The following TENM2 variants were observed in gnomAD, a reference collection of about 807,000 sequenced individuals.
TENM2 encodes teneurin-2.
Under a neutral mutation model 245.2 loss-of-function variants are expected in TENM2, and 52 were observed. That is an observed-to-expected ratio of 0.21 (90% CI 0.17 to 0.27). TENM2 has a LOEUF of 0.27. Among genes scored for constraint, TENM2 ranks in the 10% least tolerant of loss-of-function variants. The pLI is 1.00. For synonymous variants in TENM2, 1,363 were observed against 1,438.9 expected (o/e 0.95, Z 1.19); for missense variants, 3,046 against 3,666.8 (o/e 0.83, Z 4.37).
chr5:167,393,520 G>C (rs1007400717), intron 2 of TENM2, among the ~76,000 whole-genome samples: 12 of 152,170 alleles, frequency 7.9e-5, no homozygotes, highest in Non-Finnish European at 1.3e-4. Flanking sequence ...CACTCCTGCT[G>C]TATTTAAGGA....
the TENM2 span, among the ~76,000 whole-genome samples, chr5:167,122,633 C>T: frequency 6.6e-6 from 1 of 152,180 alleles, no homozygotes; most frequent in African/African-American, 2.4e-5. Context: ...TAATACCTAA[C>T]TCAAATGAAT....
chr5:167,820,919 G>A (rs1190521209), intron 2 of TENM2: 2 of 152,158 alleles, frequency 1.3e-5, no homozygotes, highest in Non-Finnish European at 2.9e-5. Flanking sequence ...GTGTCTTCAC[G>A]TGGGATTTTC....
the TENM2 span, among the ~76,000 whole-genome samples, chr5:167,182,623 T>G: frequency 6.6e-6 from 1 of 152,182 alleles, no homozygotes; most frequent in African/African-American, 2.4e-5. Flanking sequence ...TCCATTTGCC[T>G]TTTTGACTCT....
intron 2 of TENM2, among the ~76,000 whole-genome samples, chr5:167,668,146 G>A (rs1421403403): frequency 6.6e-6 from 1 of 152,090 alleles, no homozygotes; most frequent in African/African-American, 2.4e-5. Flanking sequence ...CTCTAAGTGA[G>A]CTGAATGTGT....
chr5:166,982,796 G>T, the TENM2 span, among the ~76,000 whole-genome samples: 5 of 151,784 alleles, frequency 3.3e-5, no homozygotes, highest in Middle Eastern at 6.8e-3. Flanking sequence ...TTTTTTGGGG[G>T]GGGGAGGAGA....
rs537454877 is a variant in TENM2, at chr5:167,512,938, A to G, written c.502+137465A>G. On this transcript the variant is annotated intron_variant, in intron 2 of 28. Transcript: ENST00000518659. The stretch of plus-strand genomic sequence containing the variant: ...AGTACTTCTAGTTGTCAATGCCCTT[A>G]AATTATAATTGATTAGTACACGAAT... 2.1e-4 allele frequency among the ~76,000 whole-genome samples: 32 copies of G among 152,304 alleles called. No homozygotes were observed. In the East Asian group the frequency reaches 6.0e-3, roughly 28 times the overall value.
chr5:167,226,961 T>C, the TENM2 span, among the ~76,000 whole-genome samples: 1 of 151,902 alleles, frequency 6.6e-6, no homozygotes, highest in Non-Finnish European at 1.5e-5. Flanking sequence ...TATGTGTGTA[T>C]ATATATAATG....
chr5:168,074,378 AAC>A lies in TENM2; in HGVS notation c.1515+12118_1515+12119del, dbSNP rs1336966061. 2.6e-5 allele frequency among the ~76,000 whole-genome samples: 4 copies of A among 152,280 alleles called. No individual in the cohort carries two copies. The South Asian group carries it at 6.2e-4, about 24-fold the overall frequency. ...CAGAGGGCCTTCATAGGAACCAGGA[AAC>A]ACACCAGGCAAGATGCTTTCCTATT... On this transcript the variant is annotated intron_variant, in intron 7 of 28. Coordinates refer to ENST00000518659, the Ensembl canonical transcript of TENM2.
rs1167732159 is a variant in TENM2 at position 168,004,513 on chromosome 5, G to GCA, written c.1186+11332_1186+11333insAC. Among the ~76,000 whole-genome samples, 89 of 75,882 alleles carry GCA rather than the reference G, an allele frequency of 1.2e-3. No individual in the cohort carries two copies. In the South Asian group the frequency reaches 0.016, roughly 14 times the overall value. 49.8% of individuals were successfully genotyped at this position (75,882 alleles called of 152,430 possible). A position where few individuals can be genotyped will look rare whatever the true frequency, so the allele number is the denominator to read the frequency against. ...CCATTTGGGATGCACGCATGCGCGC[G>GCA]CGCGCACACACACACACACACACAC... On this transcript the variant is annotated intron_variant, in intron 5 of 28. Transcript: ENST00000518659.
the TENM2 span, among the ~76,000 whole-genome samples, chr5:167,000,980 T>C: frequency 6.6e-6 from 1 of 152,190 alleles, no homozygotes; most frequent in Non-Finnish European, 1.5e-5. Context: ...CTAGGATTTT[T>C]ATTTTGACAG....
chr5:167,263,139 T>C, the TENM2 span, among the ~76,000 whole-genome samples: 1 of 151,440 alleles, frequency 6.6e-6, no homozygotes, highest in Non-Finnish European at 1.5e-5. Flanking sequence ...ATTCAGACCA[T>C]AGCAACTTCC....
At chr5:167,443,068 T>A (rs1764959119) in intron 2 of TENM2, among the ~76,000 whole-genome samples, 1 of 152,218 alleles carries the variant, frequency 6.6e-6, no homozygotes, top group Non-Finnish European at 1.5e-5. Flanking sequence ...CACTGATTGA[T>A]GGGCTTTGAA....
At chr5:167,180,707 A>T in the TENM2 span, among the ~76,000 whole-genome samples, 1 of 152,144 alleles carries the variant, frequency 6.6e-6, no homozygotes, top group Non-Finnish European at 1.5e-5. Flanking sequence ...TCCTAAAAAA[A>T]GGTAAGCTAG....
chr5:167,524,087 A>G (rs1306895296), intron 2 of TENM2, among the ~76,000 whole-genome samples: 1 of 152,204 alleles, frequency 6.6e-6, no homozygotes, highest in East Asian at 1.9e-4. Flanking sequence ...TTCACATTCC[A>G]TATAGACCAT....
chr5:167,533,493 G>A (rs1771650547), intron 2 of TENM2, among the ~76,000 whole-genome samples: 1 of 151,988 alleles, frequency 6.6e-6, no homozygotes, highest in Admixed American at 6.6e-5. Flanking sequence ...TCCGAGCCTG[G>A]AGCACATGGA....
intron 5 of TENM2, among the ~76,000 whole-genome samples, chr5:168,045,599 T>C (rs1053827904): frequency 1.3e-5 from 2 of 152,192 alleles, no homozygotes; most frequent in Non-Finnish European, 2.9e-5. Flanking sequence ...TAGGCCTGGG[T>C]TCCAGCGGCA....
At chr5:168,079,382 A>G (rs1791774290) in intron 7 of TENM2, among the ~76,000 whole-genome samples, 1 of 152,168 alleles carries the variant, frequency 6.6e-6, no homozygotes, top group Admixed American at 6.5e-5. Flanking sequence ...GCAAACAGGG[A>G]CAATTTGACT....
rs375433839 is a variant in TENM2, at chr5:167,489,704, A to G, written c.502+114231A>G. On this transcript the variant is annotated intron_variant, in intron 2 of 28. Transcript: ENST00000518659. The stretch of plus-strand genomic sequence containing the variant: ...TTATGCATTTTGTTCACTGATGTCT[A>G]TATCCTCAGTGCTAAGCACAGTATG... Among the ~76,000 whole-genome samples the G allele has an allele frequency of 7.3e-4, 111 of 152,304 alleles. 4 individuals are homozygous for G. The South Asian group carries it at 0.021, about 29-fold the overall frequency.
In TENM2 at chr5:168,106,424, A is replaced by G. The variant is rs563991640; in HGVS notation, c.1813+8297A>G. On this transcript the variant is annotated intron_variant, in intron 9 of 28. Transcript: ENST00000518659. ...ACGCCAACCACCGTGCTGAACAACT[A>G]CATAATTATGTCATTGAATCATCAG... Among the ~76,000 whole-genome samples, 5 of 152,280 alleles carry G rather than the reference A, an allele frequency of 3.3e-5. No homozygotes were observed. The East Asian group carries it at 9.7e-4, about 29-fold the overall frequency.
Sources: allele counts gnomAD v4.1 joint callset (sites outside exome capture counted in the v4.1 genomes callset), GRCh38; gene constraint gnomAD v4.1.1; transcripts MANE v1.5; gene names NCBI Gene and HGNC (gene_info 2026-07-23, HGNC 2026-07-21).